KCNH7: variants seen among roughly 807,000 people sequenced by gnomAD.
KCNH7 encodes potassium voltage-gated channel subfamily H member 7, also known as voltage-gated inwardly rectifying potassium channel KCNH7.
In KCNH7, 49 loss-of-function variants were observed where a neutral mutation model predicts 120.8. The observed-to-expected ratio is 0.41, with a 90% CI of 0.32 to 0.51. The LOEUF is 0.51. KCNH7 is among the 20% of genes least tolerant of loss of function. The pLI is 0.38. For synonymous variants in KCNH7, 547 were observed against 516.1 expected (o/e 1.06, Z -0.81); for missense variants, 1,097 against 1,446.6 (o/e 0.76, Z 3.92).
intron 2 of KCNH7, among the ~76,000 whole-genome samples, chr2:162,812,258 A>G (rs1684756691): frequency 6.6e-6 from 1 of 152,086 alleles, no homozygotes; most frequent in Admixed American, 6.6e-5. Flanking sequence ...TTTGAGGAAA[A>G]GTGACACAGT....
intron 2 of KCNH7, among the ~76,000 whole-genome samples, chr2:162,638,851 G>A (rs1340360222): frequency 1.3e-5 from 2 of 152,064 alleles, no homozygotes; most frequent in Non-Finnish European, 2.9e-5. Context: ...AGCATTAAAC[G>A]GGAAATGGAA....
intron 9 of KCNH7, among the ~76,000 whole-genome samples, chr2:162,405,497 A>C (rs1008552590): frequency 6.6e-6 from 1 of 152,036 alleles, no homozygotes; most frequent in Admixed American, 6.6e-5. Flanking sequence ...AAATATGACC[A>C]GACATTAATT....
chr2:162,637,785 A>C (rs1221997475), intron 2 of KCNH7, among the ~76,000 whole-genome samples: 1 of 152,024 alleles, frequency 6.6e-6, no homozygotes, highest in Non-Finnish European at 1.5e-5. Context: ...GACAGAGAAG[A>C]GATTGTTGTG....
At chr2:162,577,447 A>T (rs1039954796) in intron 2 of KCNH7, among the ~76,000 whole-genome samples, 2 of 151,822 alleles carry the variant, frequency 1.3e-5, no homozygotes, top group South Asian at 2.1e-4. Flanking sequence ...CAAGGAAATC[A>T]TCTATTGAGG....
chr2:162,451,541 A>T (rs931817573), intron 6 of KCNH7, among the ~76,000 whole-genome samples: 1 of 151,992 alleles, frequency 6.6e-6, no homozygotes, highest in Non-Finnish European at 1.5e-5. Flanking sequence ...TCTCCACAGA[A>T]TGTCAACTGG....
chr2:162,611,652 A>G (rs1249466555), intron 2 of KCNH7, among the ~76,000 whole-genome samples: 1 of 152,196 alleles, frequency 6.6e-6, no homozygotes, highest in Non-Finnish European at 1.5e-5. Context: ...GACATTAATA[A>G]CAAGAGTAAA....
intron 2 of KCNH7, among the ~76,000 whole-genome samples, chr2:162,759,452 T>G (rs1330563932): frequency 1.3e-5 from 2 of 152,106 alleles, no homozygotes; most frequent in Non-Finnish European, 2.9e-5. Flanking sequence ...ACGGTACATT[T>G]TCAGTGGTGA....
chr2:162,488,844 C>G (rs546064807), intron 6 of KCNH7, among the ~76,000 whole-genome samples: 1 of 152,142 alleles, frequency 6.6e-6, no homozygotes, highest in Non-Finnish European at 1.5e-5. Flanking sequence ...ACACCTTGCC[C>G]GGCATAACGA....
rs187799030 is a variant in KCNH7, at chr2:162,784,250, A to G, written c.307+52287T>C. 2.4e-3 allele frequency among the ~76,000 whole-genome samples: 363 copies of G among 152,220 alleles called. 3 individuals carry two copies. Among genetic ancestry groups the G allele is most frequent in the Non-Finnish European group, 3.8e-3 (260 of 68,002 alleles). ...AGCTGATGTATGTTCAACATTCCCT[A>G]TCACATTGTTTTATTTAATCTTCAT... On this transcript the variant is annotated intron_variant, in intron 2 of 15. Coordinates refer to ENST00000332142, the MANE Select transcript of KCNH7 (RefSeq NM_033272.4).
chr2:162,748,021 G>A (rs1221988814), intron 2 of KCNH7, among the ~76,000 whole-genome samples: 1 of 152,112 alleles, frequency 6.6e-6, no homozygotes, highest in African/African-American at 2.4e-5. Context: ...GAGAGCCAAA[G>A]CTAATGGTGA....
chr2:162,586,661 T>C (rs911637693), intron 2 of KCNH7, among the ~76,000 whole-genome samples: 4 of 151,322 alleles, frequency 2.6e-5, no homozygotes, highest in Non-Finnish European at 5.9e-5. Flanking sequence ...AACGGTTTCT[T>C]TCCTTTTTTT....
intron 2 of KCNH7, among the ~76,000 whole-genome samples, chr2:162,699,147 C>T (rs1357296677): frequency 6.6e-6 from 1 of 152,028 alleles, no homozygotes; most frequent in Non-Finnish European, 1.5e-5. Context: ...ACTCCAGTCA[C>T]CATGTTGTAC....
At chr2:162,436,653 A>G (rs923873183) in intron 7 of KCNH7, among the ~76,000 whole-genome samples, 1 of 151,620 alleles carries the variant, frequency 6.6e-6, no homozygotes, top group African/African-American at 2.4e-5. Context: ...TTATTGAGTT[A>G]TTTTATCTGT....
chr2:162,569,571 G>T (rs1251329850), intron 2 of KCNH7, among the ~76,000 whole-genome samples: 3 of 140,836 alleles, frequency 2.1e-5, no homozygotes, highest in African/African-American at 8.1e-5. Context: ...CCTTCTGCTA[G>T]CTTTTGAATG....
At chr2:162,594,292 G>C (rs1489773484) in intron 2 of KCNH7, among the ~76,000 whole-genome samples, 1 of 151,880 alleles carries the variant, frequency 6.6e-6, no homozygotes, top group Non-Finnish European at 1.5e-5. Context: ...TTTAGTCTTT[G>C]TCAGTCTCTT....
intron 9 of KCNH7, among the ~76,000 whole-genome samples, chr2:162,403,054 A>G (rs1044932273): frequency 6.6e-5 from 10 of 151,962 alleles, no homozygotes; most frequent in African/African-American, 2.2e-4. Flanking sequence ...TGTATTTCAC[A>G]GAGTTGTGGC....
intron 2 of KCNH7, among the ~76,000 whole-genome samples, chr2:162,608,999 A>G (rs1278298796): frequency 6.6e-6 from 1 of 152,116 alleles, no homozygotes; most frequent in Non-Finnish European, 1.5e-5. Flanking sequence ...TTCCCCTTTG[A>G]TTCAATTTGA....
chr2:162,586,522 G>T (rs1020253149), intron 2 of KCNH7, among the ~76,000 whole-genome samples: 58 of 152,130 alleles, frequency 3.8e-4, no homozygotes, highest in African/African-American at 1.3e-3. Context: ...TCCAGCCAGG[G>T]TTACCCAGCT....
chr2:162,375,909 AAAG>A (rs1686153617), intron 14 of KCNH7, among the ~76,000 whole-genome samples: 1 of 151,726 alleles, frequency 6.6e-6, no homozygotes, highest in South Asian at 2.1e-4. Context: ...AAAAAAAAAA[AAAG>A]AAAAAAAAGA....
Sources: allele counts gnomAD v4.1 joint callset (sites outside exome capture counted in the v4.1 genomes callset), GRCh38; gene constraint gnomAD v4.1.1; transcripts MANE v1.5; gene names NCBI Gene and HGNC (gene_info 2026-07-23, HGNC 2026-07-21).